LRBA: variants seen among roughly 807,000 people sequenced by gnomAD.
LRBA encodes the protein LPS responsive beige-like anchor protein, also known as lipopolysaccharide-responsive and beige-like anchor protein.
Under a neutral mutation model 330.0 loss-of-function variants are expected in LRBA, and 176 were observed. The ratio of observed to expected loss-of-function variants is 0.53; its 90% confidence interval spans 0.47 to 0.60. The LOEUF is 0.60. Among genes scored for constraint, LRBA ranks in the 20% least tolerant of loss-of-function variants. The probability of loss-of-function intolerance (pLI) is 0.00; values close to 1 mark genes in which losing one functional copy is unlikely to be tolerated. For synonymous variants in LRBA, 1,230 were observed against 1,193.0 expected (o/e 1.03, Z -0.64); for missense variants, 3,259 against 3,444.8 (o/e 0.95, Z 1.35).
chr4:150,984,213 C>T (rs936490810), intron 2 of LRBA, among the ~76,000 whole-genome samples: 3 of 152,194 alleles, frequency 2.0e-5, no homozygotes, highest in African/African-American at 4.8e-5. Flanking sequence ...AAAATTTTTG[C>T]GATCTACAGA....
At position 150,599,149 on chromosome 4, in the gene LRBA, A is replaced by G; in HGVS notation, c.5922-18T>C. 6.2e-7 allele frequency: 1 copy of G among 1,613,566 alleles called. No homozygotes were observed. Among genetic ancestry groups the G allele is most frequent in the South Asian group, 1.1e-5 (1 of 91,006 alleles). On this transcript the variant is annotated intron_variant, in intron 37 of 56. Transcript: ENST00000651943. ...GAGGACGACTACAATGAAACAGAGA[A>G]GCCACATATGTTAGCAATTATCAAA...
At chr4:150,922,749 C>T (rs1473191356) in intron 4 of LRBA, among the ~76,000 whole-genome samples, 3 of 151,908 alleles carry the variant, frequency 2.0e-5, no homozygotes, top group African/African-American at 7.3e-5. Flanking sequence ...ACTACCTGTA[C>T]CCCAATAACT....
intron 36 of LRBA, among the ~76,000 whole-genome samples, chr4:150,688,852 G>A (rs542407955): frequency 5.9e-5 from 9 of 152,310 alleles, no homozygotes; most frequent in African/African-American, 1.7e-4. Flanking sequence ...CACTGTTGGA[G>A]GGAGTATAAA....
At chr4:150,769,369 G>C (rs1434858635) in intron 34 of LRBA, among the ~76,000 whole-genome samples, 2 of 152,068 alleles carry the variant, frequency 1.3e-5, no homozygotes, top group Non-Finnish European at 2.9e-5. Context: ...GAGAAAGAGA[G>C]AAGAGATTAT....
At position 150,908,780 on chromosome 4, in the gene LRBA, G is replaced by C. The variant is rs1257803889; in HGVS notation, c.1239C>G (p.Leu413=). The C allele has an allele frequency of 6.2e-7, 1 of 1,613,876 alleles. No individual in the cohort carries two copies. Among genetic ancestry groups the C allele is most frequent in the East Asian group, 2.2e-5 (1 of 44,864 alleles). ...TGTACGTGAATGCAATGGCACTAGA[G>C]AGTTTCCCATCGTACAATAAAAGTT... ...HHKLLLYDGK[L]SSAIAFTYNP... is the part of the protein sequence containing the mutation. The change falls in exon 10 of 57, where the codon CTC becomes CTG. Residue 413 remains leucine (L), a synonymous_variant. Coordinates refer to ENST00000651943, the MANE Select transcript of LRBA (RefSeq NM_001364905.1).
intron 22 of LRBA, among the ~76,000 whole-genome samples, chr4:150,859,149 G>T (rs1751589025): frequency 6.6e-6 from 1 of 152,022 alleles, no homozygotes; most frequent in South Asian, 2.1e-4. Flanking sequence ...AAAAATCCAA[G>T]ATAATTAAGG....
chr4:150,341,013 A>T (rs1219263018), intron 48 of LRBA, among the ~76,000 whole-genome samples: 1 of 152,230 alleles, frequency 6.6e-6, no homozygotes, highest in African/African-American at 2.4e-5. Flanking sequence ...CCACTTTGGC[A>T]GCTCGGTGGA....
At chr4:150,509,323 C>T (rs72734489) in intron 40 of LRBA, among the ~76,000 whole-genome samples, 32,479 of 150,866 alleles carry the variant, frequency 0.22, 4,357 homozygotes, top group Non-Finnish European at 0.3. Context: ...GAGAAAAAAA[C>T]GAAAAGGAAA....
intron 53 of LRBA, among the ~76,000 whole-genome samples, chr4:150,295,492 C>T (rs1398023938): frequency 2.6e-5 from 4 of 152,080 alleles, no homozygotes; most frequent in Admixed American, 1.3e-4. Context: ...CCACTGTGCC[C>T]GGCCTAAAGT....
chr4:150,931,221 A>G (rs542500115), intron 2 of LRBA, among the ~76,000 whole-genome samples: 1 of 152,160 alleles, frequency 6.6e-6, no homozygotes, highest in Non-Finnish European at 1.5e-5. Context: ...ATATTACATA[A>G]TCATAGTACA....
intron 35 of LRBA, among the ~76,000 whole-genome samples, chr4:150,736,990 G>A (rs1205278746): frequency 6.6e-6 from 1 of 152,108 alleles, no homozygotes; most frequent in African/African-American, 2.4e-5. Context: ...CGGGCGAGAG[G>A]ATCACATGAG....
At chr4:150,651,488 G>A (rs933878920) in intron 37 of LRBA, among the ~76,000 whole-genome samples, 3 of 151,974 alleles carry the variant, frequency 2.0e-5, no homozygotes, top group Non-Finnish European at 4.4e-5. Flanking sequence ...ATCTTTAAGC[G>A]CTACCACAGA....
At chr4:150,585,442 T>C (rs1275591346) in intron 40 of LRBA, among the ~76,000 whole-genome samples, 2 of 152,200 alleles carry the variant, frequency 1.3e-5, no homozygotes, top group Non-Finnish European at 2.9e-5. Context: ...GATTTAGAAA[T>C]AGGAAAAGTA....
chr4:150,542,711 G>A (rs1470588576), intron 40 of LRBA, among the ~76,000 whole-genome samples: 1 of 152,164 alleles, frequency 6.6e-6, no homozygotes, highest in Admixed American at 6.6e-5. Flanking sequence ...ATGCTAGCCA[G>A]TTCCTGCTTC....
At chr4:150,613,357 A>C (rs1290419249) in intron 37 of LRBA, among the ~76,000 whole-genome samples, 1 of 152,244 alleles carries the variant, frequency 6.6e-6, no homozygotes, top group Non-Finnish European at 1.5e-5. Flanking sequence ...CCTTCTTAGA[A>C]GTGAGTAATC....
At chr4:150,982,028 G>A (rs1164523257) in intron 2 of LRBA, among the ~76,000 whole-genome samples, 1 of 150,090 alleles carries the variant, frequency 6.7e-6, no homozygotes, top group East Asian at 2.0e-4. Flanking sequence ...TTTCTTAGTT[G>A]TACAAAAAAT....
intron 2 of LRBA, among the ~76,000 whole-genome samples, chr4:151,009,022 T>C (rs1343844168): frequency 5.3e-4 from 10 of 19,006 alleles, no homozygotes; most frequent in Non-Finnish European, 8.2e-4. Context: ...TATATATATA[T>C]ATATAAAATG....
intron 17 of LRBA, among the ~76,000 whole-genome samples, chr4:150,878,320 C>T (rs1400584583): frequency 6.6e-6 from 1 of 151,760 alleles, no homozygotes; most frequent in Non-Finnish European, 1.5e-5. Context: ...GCCTGGGTGA[C>T]AGAGCAGGAC....
rs117679236 is a variant in LRBA, at chr4:150,451,921, T to C, written c.6781-15057A>G. On this transcript the variant is annotated intron_variant, in intron 44 of 56. Transcript: ENST00000651943. ...CACTTTATCTGTTAAGGAAACTGAA[T>C]TCAAAGTTTTACAAAAAAACCTTCC... Among the ~76,000 whole-genome samples the C allele has an allele frequency of 9.9e-4, 151 of 152,256 alleles. 1 individual carries two copies. In the East Asian group the frequency reaches 0.027, roughly 27 times the overall value.
Sources: allele counts gnomAD v4.1 joint callset (sites outside exome capture counted in the v4.1 genomes callset), GRCh38; gene constraint gnomAD v4.1.1; transcripts MANE v1.5; gene names NCBI Gene and HGNC (gene_info 2026-07-23, HGNC 2026-07-21).